Variants in NUTF2 observed in about 807,000 individuals in gnomAD.
The protein encoded by NUTF2 is nuclear transport factor 2, also known as placental protein 15.
In NUTF2, 3 loss-of-function variants were observed where a neutral mutation model predicts 18.5. The ratio of observed to expected loss-of-function variants is 0.16; its 90% CI spans 0.07 to 0.42. The LOEUF is 0.42. NUTF2 is among the 10% of genes least tolerant of loss of function. The pLI, the probability that NUTF2 is intolerant of heterozygous loss-of-function variation, is 0.99. For synonymous variants in NUTF2, 51 were observed against 57.9 expected (o/e 0.88, Z 0.54); for missense variants, 44 against 160.7 (o/e 0.27, Z 3.93).
At chr16:67,855,986 G>T in intron 1 of NUTF2, 1 of 1,231,098 alleles carries the variant, frequency 8.1e-7, no homozygotes, top group Non-Finnish European at 1.2e-6. Context: ...CTTGGTGCCA[G>T]CGGCCTTGGT....
Position 67,871,889 on chromosome 16 carries a change from C to T in NUTF2, c.*976C>T, listed in dbSNP as rs558237874. 6.6e-6 allele frequency: 1 copy of T among 152,452 alleles called. No homozygotes were observed. Among genetic ancestry groups the T allele is most frequent in the East Asian group, 1.9e-4 (1 of 5,194 alleles). 9.4% of individuals were successfully genotyped at this position (152,452 alleles called of 1,614,324 possible). ...AACCCGAAGAGCCAGCCTCCACTGC[C>T]CACAGAGCCAGGCCCAGTTGTGTTG... On this transcript the variant is annotated 3_prime_UTR_variant, in exon 5 of 5. Coordinates refer to ENST00000219169, the MANE Select transcript of NUTF2 (RefSeq NM_005796.3).
At chr16:67,851,466 T>A (rs2057856767) in intron 1 of NUTF2, among the ~76,000 whole-genome samples, 1 of 151,660 alleles carries the variant, frequency 6.6e-6, no homozygotes, top group African/African-American at 2.4e-5. Flanking sequence ...GGTGACAGAG[T>A]GAGACCCTGT....
At chr16:67,848,116 C>T (rs955538935) in intron 1 of NUTF2, among the ~76,000 whole-genome samples, 2 of 152,322 alleles carry the variant, frequency 1.3e-5, no homozygotes, top group East Asian at 3.9e-4. Context: ...CTACTGAGTT[C>T]TGGGGGAAGA....
intron 1 of NUTF2, among the ~76,000 whole-genome samples, chr16:67,863,498 G>A (rs1332028118): frequency 2.0e-5 from 3 of 152,162 alleles, no homozygotes; most frequent in Non-Finnish European, 4.4e-5. Flanking sequence ...GGCTTTGGGC[G>A]AGGTCACACG....
At chr16:67,864,948 G>C (rs2057960459) in intron 1 of NUTF2, among the ~76,000 whole-genome samples, 154 bp from the exon 2 acceptor site, 1 of 152,234 alleles carries the variant, frequency 6.6e-6, no homozygotes. Flanking sequence ...CTTGGGAGGG[G>C]TCTCCTGCCA....
intron 1 of NUTF2, among the ~76,000 whole-genome samples, chr16:67,860,792 C>T (rs1256910455): frequency 2.0e-5 from 3 of 152,212 alleles, no homozygotes; most frequent in Non-Finnish European, 4.4e-5. Flanking sequence ...GTGTGCCAGT[C>T]TGGAAGGAGT....
At chr16:67,856,114 G>GT in intron 1 of NUTF2, 1 of 472,848 alleles carries the variant, frequency 2.1e-6, no homozygotes, top group East Asian at 3.3e-5. Context: ...ACATGTTCTT[G>GT]TAACACCTGA....
At chr16:67,864,509 CAAAAAAAA>C (rs572931294) in intron 1 of NUTF2, among the ~76,000 whole-genome samples, 5 of 53,076 alleles carry the variant, frequency 9.4e-5, no homozygotes, top group African/African-American at 2.1e-4. Flanking sequence ...AACTCTGTCT[CAAAAAAAA>C]AAAAAAAAAA....
chr16:67,854,666 G>A (rs2057882742), intron 1 of NUTF2, among the ~76,000 whole-genome samples: 1 of 152,122 alleles, frequency 6.6e-6, no homozygotes, highest in African/African-American at 2.4e-5. Context: ...TGATTTCTTG[G>A]CCGGGCACAG....
chr16:67,848,770 A>G (rs1036064262), intron 1 of NUTF2, among the ~76,000 whole-genome samples: 6 of 151,226 alleles, frequency 4.0e-5, no homozygotes, highest in East Asian at 1.9e-4. Context: ...AAAAAAAAAA[A>G]GCAGCAGCAG....
intron 1 of NUTF2, among the ~76,000 whole-genome samples, chr16:67,854,591 T>G (rs1235432596): frequency 6.6e-6 from 1 of 152,204 alleles, no homozygotes; most frequent in African/African-American, 2.4e-5. Flanking sequence ...AGAGGAATAG[T>G]CCTTTTGGGG....
chr16:67,847,894 T>A (rs1377333615), intron 1 of NUTF2: 4 of 152,166 alleles, frequency 2.6e-5, no homozygotes, highest in Non-Finnish European at 5.9e-5. Flanking sequence ...AACCAGAACC[T>A]GGGCTGGAAG....
At chr16:67,855,759 T>G (rs1043180989) in intron 1 of NUTF2, among the ~76,000 whole-genome samples, 1 of 151,930 alleles carries the variant, frequency 6.6e-6, no homozygotes, top group Non-Finnish European at 1.5e-5. Context: ...TGTCCTAAGG[T>G]GTAAAGCTGC....
At chr16:67,849,252 G>T (rs974858269) in intron 1 of NUTF2, among the ~76,000 whole-genome samples, 1 of 152,212 alleles carries the variant, frequency 6.6e-6, no homozygotes, top group African/African-American at 2.4e-5. Flanking sequence ...GTCTGCGTGG[G>T]TACTTTCTAG....
At chr16:67,853,160 G>C (rs915214160) in intron 1 of NUTF2, among the ~76,000 whole-genome samples, 1 of 152,124 alleles carries the variant, frequency 6.6e-6, no homozygotes, top group African/African-American at 2.4e-5. Flanking sequence ...TGTAGTCCCA[G>C]CTACTTGGGA....
chr16:67,847,994 A>G (rs1422626843), intron 1 of NUTF2, among the ~76,000 whole-genome samples: 1 of 152,178 alleles, frequency 6.6e-6, no homozygotes, highest in African/African-American at 2.4e-5. Context: ...AGCTCCAGAA[A>G]GTCTGGCTTC....
At chr16:67,850,362 G>A (rs897391148) in intron 1 of NUTF2, among the ~76,000 whole-genome samples, 45 of 151,686 alleles carry the variant, frequency 3.0e-4, no homozygotes, top group Non-Finnish European at 1.8e-4. Flanking sequence ...CCGCCACCAC[G>A]CCCGGCTAAT....
At chr16:67,862,632 T>G (rs1317568740) in intron 1 of NUTF2, among the ~76,000 whole-genome samples, 2 of 152,140 alleles carry the variant, frequency 1.3e-5, no homozygotes, top group Non-Finnish European at 2.9e-5. Flanking sequence ...CTCAGGAGTT[T>G]GAGACCAGCC....
chr16:67,868,328 T>G lies in NUTF2; in HGVS notation c.100-12T>G. On this transcript the variant is annotated splice_polypyrimidine_tract_variant and intron_variant, in intron 2 of 4. Transcript: ENST00000219169. ...GAGGCCCCAACCCTGGGGTTTCCTGTGCCTTTTTCAGATTGACGCGTCATG... is the reference window on the plus strand; with the variant it reads ...GAGGCCCCAACCCTGGGGTTTCCTGGGCCTTTTTCAGATTGACGCGTCATG... 6.2e-7 allele frequency: 1 copy of G among 1,612,692 alleles called. No individual in the cohort carries two copies. Among genetic ancestry groups the G allele is most frequent in the Non-Finnish European group, 8.5e-7 (1 of 1,178,856 alleles).
Sources: gnomAD v4.1 joint callset for allele counts (sites outside exome capture counted in the v4.1 genomes callset) on GRCh38, gnomAD v4.1.1 for gene constraint, MANE v1.5 for transcripts, NCBI Gene and HGNC (gene_info 2026-07-23, HGNC 2026-07-21) for gene names.